Variants in PCDHA10 observed in about 807,000 individuals in gnomAD.
PCDHA10 encodes the protein protocadherin alpha 10, also known as protocadherin alpha-10.
In PCDHA10, 45 loss-of-function variants were observed where a neutral mutation model predicts 61.2. That is an observed-to-expected ratio of 0.74 (90% CI 0.58 to 0.94). The LOEUF (loss-of-function observed/expected upper bound fraction) is 0.94. PCDHA10 is among the 40% of genes least tolerant of loss of function. PCDHA10 has a pLI of 0.00. For synonymous variants in PCDHA10, 602 were observed against 548.8 expected (o/e 1.10, Z -1.35); for missense variants, 1,278 against 1,236.2 (o/e 1.03, Z -0.51).
In PCDHA10 at chr5:140,856,566, C is replaced by A; in HGVS notation, c.518C>A (p.Pro173Gln). The A allele has an allele frequency of 1.3e-6, 2 of 1,597,240 alleles. No homozygotes were observed. Among genetic ancestry groups the A allele is most frequent in the Non-Finnish European group, 1.7e-6 (2 of 1,166,848 alleles). ...GCATTGCTTACTTACAAACTCAGTC[C>A]AAATGAGTATTTTGTTCTTGATATT... Reference protein sequence around the residue: ...ENALLTYKLSPNEYFVLDIIN... With the variant: ...ENALLTYKLSQNEYFVLDIIN... The change falls in exon 1 of 4, where the codon CCA becomes CAA. Residue 173 changes from proline to glutamine, a missense_variant. Pro to Gln is a moderately conservative substitution (Grantham distance 76). Coordinates refer to ENST00000307360, the MANE Select transcript of PCDHA10 (RefSeq NM_018901.4).
chr5:141,003,654 A>G (rs1451170896), intron 3 of PCDHA10, among the ~76,000 whole-genome samples: 1 of 152,212 alleles, frequency 6.6e-6, no homozygotes, highest in Non-Finnish European at 1.5e-5. Flanking sequence ...ATCTGTATGC[A>G]TTTATTAAAA....
chr5:140,943,657 C>T (rs531235288), intron 1 of PCDHA10, among the ~76,000 whole-genome samples: 51 of 151,756 alleles, frequency 3.4e-4, no homozygotes, highest in African/African-American at 1.2e-3. Flanking sequence ...CATCTATGAA[C>T]AATGTATAAA....
intron 1 of PCDHA10, among the ~76,000 whole-genome samples, chr5:140,889,913 T>C (rs1287325026): frequency 6.6e-6 from 1 of 152,172 alleles, no homozygotes; most frequent in Admixed American, 6.5e-5. Context: ...ATTGTCATAC[T>C]GTAAAGAAGC....
At chr5:140,862,209 A>C (rs2047255709) in intron 1 of PCDHA10, 2 of 201,904 alleles carry the variant, frequency 9.9e-6, no homozygotes, top group South Asian at 2.0e-4. Flanking sequence ...TGATCACTGC[A>C]CAGACTTGAT....
At chr5:140,896,089 G>GGATTA (rs2065370419) in intron 1 of PCDHA10, among the ~76,000 whole-genome samples, 1 of 152,010 alleles carries the variant, frequency 6.6e-6, no homozygotes, top group Non-Finnish European at 1.5e-5. Flanking sequence ...GGGATTACAG[G>GGATTA]CGTGAGCCAC....
intron 1 of PCDHA10, among the ~76,000 whole-genome samples, chr5:140,881,723 A>G (rs2058808704): frequency 6.6e-6 from 1 of 152,172 alleles, no homozygotes; most frequent in South Asian, 2.1e-4. Flanking sequence ...GGAGGTCTTG[A>G]AAAATATTAC....
intron 1 of PCDHA10, among the ~76,000 whole-genome samples, chr5:140,952,338 CAAAAA>C (rs55931446): frequency 7.4e-5 from 10 of 135,008 alleles, no homozygotes; most frequent in Admixed American, 1.5e-4. Context: ...AACTCCATCT[CAAAAA>C]AAAAAAAAAA....
chr5:141,000,657 A>T (rs1403117310), intron 3 of PCDHA10, among the ~76,000 whole-genome samples: 1 of 151,102 alleles, frequency 6.6e-6, no homozygotes, highest in Non-Finnish European at 1.5e-5. Flanking sequence ...CGAACTCCTG[A>T]CCTCAGGTGA....
intron 1 of PCDHA10, chr5:140,884,342 G>T (rs782616190): frequency 6.2e-7 from 1 of 1,613,902 alleles, no homozygotes; most frequent in Admixed American, 1.7e-5. Flanking sequence ...TCCAGAAGCG[G>T]CGCTGGTGGA....
At chr5:140,924,715 C>T (rs1258622619) in intron 1 of PCDHA10, among the ~76,000 whole-genome samples, 5 of 151,692 alleles carry the variant, frequency 3.3e-5, no homozygotes, top group African/African-American at 7.3e-5. Context: ...TGCAACATGG[C>T]GAAACCTCAC....
intron 1 of PCDHA10, among the ~76,000 whole-genome samples, chr5:140,931,344 A>G (rs1233861770): frequency 6.6e-6 from 1 of 151,910 alleles, no homozygotes; most frequent in East Asian, 1.9e-4. Flanking sequence ...GGAGTGAGGA[A>G]TTTTTTTTAG....
intron 1 of PCDHA10, among the ~76,000 whole-genome samples, chr5:140,935,799 A>T (rs1423027036): frequency 1.3e-5 from 2 of 151,978 alleles, no homozygotes; most frequent in African/African-American, 4.8e-5. Flanking sequence ...TATAAACGAG[A>T]TTATTTCATA....
At chr5:140,875,667 G>A (rs376967983) in intron 1 of PCDHA10, 10 of 1,613,820 alleles carry the variant, frequency 6.2e-6, no homozygotes, top group East Asian at 4.5e-5. Flanking sequence ...GCCTGTTCCG[G>A]GTGGCGTCCA....
chr5:140,873,878 C>T (rs926010571), intron 1 of PCDHA10, among the ~76,000 whole-genome samples: 2 of 152,196 alleles, frequency 1.3e-5, no homozygotes, highest in African/African-American at 4.8e-5. Context: ...CCAGGCTGGT[C>T]TTGAACTCCT....
At chr5:140,978,499 T>A (rs1178288273) in intron 1 of PCDHA10, among the ~76,000 whole-genome samples, 1 of 152,238 alleles carries the variant, frequency 6.6e-6, no homozygotes, top group African/African-American at 2.4e-5. Flanking sequence ...AGCAGCAGAT[T>A]GCAGTCCTCT....
intron 1 of PCDHA10, among the ~76,000 whole-genome samples, chr5:140,912,042 A>G (rs782622902): frequency 6.6e-6 from 1 of 152,216 alleles, no homozygotes; most frequent in African/African-American, 2.4e-5. Flanking sequence ...CCAAGTCCCA[A>G]AGCTGAAGAA....
rs1439259875 is a variant in PCDHA10 at position 141,011,882 on chromosome 5, GATTA to G, written c.*1950_*1953del. On this transcript the variant is annotated 3_prime_UTR_variant, in exon 4 of 4. Coordinates refer to ENST00000307360, the MANE Select transcript of PCDHA10 (RefSeq NM_018901.4). ...GTTATAATGTACAATTTAGAAGTTTGATTAATTATATTATCTATTTAGGCATTAA... is the reference window on the plus strand; with the variant it reads ...GTTATAATGTACAATTTAGAAGTTTGATTATATTATCTATTTAGGCATTAA... 2.0e-5 allele frequency: 3 copies of G among 153,360 alleles called. No homozygotes were observed. Among genetic ancestry groups the G allele is most frequent in the Non-Finnish European group, 4.4e-5 (3 of 68,010 alleles). 9.5% of individuals were successfully genotyped at this position (153,360 alleles called of 1,614,324 possible).
intron 1 of PCDHA10, among the ~76,000 whole-genome samples, chr5:140,956,813 T>C (rs1306502330): frequency 6.6e-6 from 1 of 152,176 alleles, no homozygotes; most frequent in African/African-American, 2.4e-5. Context: ...TATTATTGCT[T>C]CAATTTGTAA....
chr5:140,959,578 A>G (rs1554224156), intron 1 of PCDHA10, among the ~76,000 whole-genome samples: 1 of 152,188 alleles, frequency 6.6e-6, no homozygotes, highest in Non-Finnish European at 1.5e-5. Flanking sequence ...TTTTGTTTCA[A>G]TTCTATCAGC....
Sources: gnomAD v4.1 joint callset for allele counts (sites outside exome capture counted in the v4.1 genomes callset) on GRCh38, gnomAD v4.1.1 for gene constraint, MANE v1.5 for transcripts, NCBI Gene and HGNC (gene_info 2026-07-23, HGNC 2026-07-21) for gene names.